CAMK2B: variants seen among roughly 807,000 people sequenced by gnomAD.
CAMK2B encodes the protein calcium/calmodulin dependent protein kinase II beta.
In CAMK2B, 27 loss-of-function variants were observed where a neutral mutation model predicts 93.7. The ratio of observed to expected loss-of-function variants is 0.29; its 90% confidence interval spans 0.21 to 0.40. CAMK2B has a LOEUF of 0.40. CAMK2B is among the 10% of genes least tolerant of loss of function. CAMK2B has a pLI of 1.00. For missense variants in CAMK2B, 568 were observed against 895.8 expected (o/e 0.63, Z 4.67); for synonymous variants, 374 against 358.8 (o/e 1.04, Z -0.48).
intron 1 of CAMK2B, among the ~76,000 whole-genome samples, chr7:44,301,139 T>C (rs941195371): frequency 6.6e-6 from 1 of 152,182 alleles, no homozygotes; most frequent in Non-Finnish European, 1.5e-5. Flanking sequence ...TATTTATTTA[T>C]TTTTTAGGGA....
rs184887978 is a variant in CAMK2B at position 44,286,375 on chromosome 7, G to A, written c.66-2150C>T. Among the ~76,000 whole-genome samples, 407 of 152,184 alleles carry A rather than the reference G, an allele frequency of 2.7e-3. 1 individual carries two copies. Among genetic ancestry groups the A allele is most frequent in the Non-Finnish European group, 4.2e-3 (284 of 68,006 alleles). ...GTGCGCCAGAACGCAACCACACACT[G>A]CAGGGTTGACCCTCAGTAGGAAGTT... On this transcript the variant is annotated intron_variant, in intron 1 of 23. Transcript: ENST00000395749. The surrounding 1 kb of genome is among the most constrained non-coding windows in gnomAD (Gnocchi z 4.0).
rs761209172 is a variant in CAMK2B, at chr7:44,220,202, G to A, written c.1861C>T (p.Arg621Trp). Residue 621 changes from arginine to tryptophan, a missense_variant, in exon 23 of 24, where the codon CGG becomes TGG. Physicochemically the swap from Arg to Trp is moderately radical, Grantham distance 101. Around this residue, in one of 4 missense-constraint regions of CAMK2B, gnomAD observed 116 missense variants for 188.0 expected, o/e 0.62. Coordinates refer to ENST00000395749, the MANE Select transcript of CAMK2B (RefSeq NM_001220.5). ...GEDAACIAYI[R>W]LTQYIDGQGR... Reference sequence around the variant, plus strand: ...TGCCCGTCAATGTACTGCGTGAGCCGGATGTAAGCGATGCAGGCGGCATCC... The same window carrying A: ...TGCCCGTCAATGTACTGCGTGAGCCAGATGTAAGCGATGCAGGCGGCATCC... 1.2e-6 allele frequency: 2 copies of A among 1,613,276 alleles called. No individual in the cohort carries two copies. Among genetic ancestry groups the A allele is most frequent in the Non-Finnish European group, 1.7e-6 (2 of 1,180,028 alleles).
At chr7:44,301,701 A>T (rs1790085963) in intron 1 of CAMK2B, among the ~76,000 whole-genome samples, 1 of 151,964 alleles carries the variant, frequency 6.6e-6, no homozygotes, top group African/African-American at 2.4e-5. Flanking sequence ...CACTTGAACC[A>T]GGAAGTCGGA....
Position 44,247,105 on chromosome 7 carries a change from G to A in CAMK2B, c.414+15C>T, listed in dbSNP as rs753935144. The A allele has an allele frequency of 1.9e-6, 3 of 1,605,138 alleles. No individual in the cohort carries two copies. Among genetic ancestry groups the A allele is most frequent in the Middle Eastern group, 1.7e-4 (1 of 6,050 alleles). ...AGACAACAGACACCTGGCACAGAGTGGGGTGGGGACTCACCTTGAGGTCTC... is the reference window on the plus strand; with the variant it reads ...AGACAACAGACACCTGGCACAGAGTAGGGTGGGGACTCACCTTGAGGTCTC... On this transcript the variant is annotated intron_variant, in intron 6 of 23. Coordinates refer to ENST00000395749, the MANE Select transcript of CAMK2B (RefSeq NM_001220.5).
intron 1 of CAMK2B, among the ~76,000 whole-genome samples, chr7:44,291,103 C>T (rs532689522): frequency 6.6e-6 from 1 of 152,322 alleles, no homozygotes; most frequent in South Asian, 2.1e-4. Context: ...GTTAATGAAG[C>T]CTCAACAGTG....
chr7:44,227,749 GA>G (rs1427734728), intron 19 of CAMK2B, among the ~76,000 whole-genome samples: 1 of 30,260 alleles, frequency 3.3e-5, no homozygotes, highest in African/African-American at 2.4e-4. Flanking sequence ...GGGGACAGAG[GA>G]GGGTGTGGGG....
chr7:44,251,444 A>G (rs1263594892), intron 5 of CAMK2B, among the ~76,000 whole-genome samples: 1 of 152,200 alleles, frequency 6.6e-6, no homozygotes, highest in Non-Finnish European at 1.5e-5. Flanking sequence ...GCTCACCCAG[A>G]AAGAAAGGAG....
chr7:44,324,385 T>A (rs1405806964), intron 1 of CAMK2B, among the ~76,000 whole-genome samples: 2 of 147,646 alleles, frequency 1.4e-5, no homozygotes, highest in Non-Finnish European at 3.0e-5. Context: ...GCCCTAGGGA[T>A]GCCAGGTGCA....
intron 2 of CAMK2B, among the ~76,000 whole-genome samples, chr7:44,264,546 G>T (rs1033938221): frequency 2.6e-5 from 4 of 152,208 alleles, no homozygotes; most frequent in African/African-American, 9.6e-5. Context: ...CATCCCACGA[G>T]AGGGATTCAG....
intron 1 of CAMK2B, among the ~76,000 whole-genome samples, chr7:44,296,989 G>A (rs1014720403): frequency 3.8e-4 from 58 of 152,166 alleles, no homozygotes; most frequent in African/African-American, 1.3e-3. Context: ...GAGACTTAGA[G>A]AAGAAATAAG....
At chr7:44,270,960 C>T (rs1040274531) in intron 2 of CAMK2B, among the ~76,000 whole-genome samples, 2 of 152,044 alleles carry the variant, frequency 1.3e-5, no homozygotes, top group Admixed American at 1.3e-4. Flanking sequence ...TCTCTGTCAC[C>T]CAGGCTAGAG....
In CAMK2B at chr7:44,241,684, G is replaced by A. The variant is rs1457333462; in HGVS notation, c.903+16C>T. On this transcript the variant is annotated intron_variant, in intron 11 of 23. Coordinates refer to ENST00000395749, the MANE Select transcript of CAMK2B (RefSeq NM_001220.5). Reference sequence around the variant, plus strand: ...AGAAGCATGGCCGTGCCTGGGACTAGGGGCCAGGGCCTCACCTTGAGCTTT... The same window carrying A: ...AGAAGCATGGCCGTGCCTGGGACTAAGGGCCAGGGCCTCACCTTGAGCTTT... 1 of 1,604,548 alleles carries A rather than the reference G, an allele frequency of 6.2e-7. No individual in the cohort carries two copies. Among genetic ancestry groups the A allele is most frequent in the African/African-American group, 1.3e-5 (1 of 74,722 alleles).
At chr7:44,324,638 G>GC (rs972444009) in intron 1 of CAMK2B, among the ~76,000 whole-genome samples, 2 of 151,784 alleles carry the variant, frequency 1.3e-5, no homozygotes, top group African/African-American at 4.8e-5. Flanking sequence ...CCAAAATCCA[G>GC]CCCCCATCCA....
rs771448991 is a variant in CAMK2B at position 44,220,832 on chromosome 7, G to A, written c.1667C>T (p.Ala556Val). Reference sequence around the variant, plus strand: ...CCCAGCCCCAGGGACTCACGCGTAGGCCTCAAAGTCACCGTTGTTGACGGC... The same window carrying A: ...CCCAGCCCCAGGGACTCACGCGTAGACCTCAAAGTCACCGTTGTTGACGGC... Reference protein sequence around the residue: ...IEAVNNGDFEAYAKICDPGLT... With the variant: ...IEAVNNGDFEVYAKICDPGLT... Residue 556 changes from alanine (A) to valine (V), a missense_variant, in exon 21 of 24, where the codon GCC becomes GTC. Physicochemically the swap from Ala to Val is moderately conservative, Grantham distance 64. Around this residue, in one of 4 missense-constraint regions of CAMK2B, gnomAD observed 116 missense variants for 188.0 expected, o/e 0.62. Transcript: ENST00000395749. 1 of 1,568,680 alleles carries A rather than the reference G, an allele frequency of 6.4e-7. No homozygotes were observed. Among genetic ancestry groups the A allele is most frequent in the South Asian group, 1.2e-5 (1 of 85,382 alleles).
intron 2 of CAMK2B, among the ~76,000 whole-genome samples, chr7:44,264,966 G>A (rs1163529260): frequency 6.6e-6 from 1 of 152,184 alleles, no homozygotes; most frequent in Admixed American, 6.5e-5. Context: ...GGAAAGCAGG[G>A]CACCAACTCT....
chr7:44,229,629 G>A, intron 17 of CAMK2B, 128 bp from the exon 18 acceptor site: 1 of 332,580 alleles, frequency 3.0e-6, no homozygotes, highest in Non-Finnish European at 5.0e-6. Flanking sequence ...GGCTCCTGGG[G>A]TGGAGGTGGG....
At chr7:44,267,783 C>CA (rs2096932960) in intron 2 of CAMK2B, among the ~76,000 whole-genome samples, 1 of 151,978 alleles carries the variant, frequency 6.6e-6, no homozygotes, top group South Asian at 2.1e-4. Flanking sequence ...ACAACAACAA[C>CA]AAAAAACCCC....
At chr7:44,246,302 G>A (rs534056972) in intron 6 of CAMK2B, among the ~76,000 whole-genome samples, 49 of 152,194 alleles carry the variant, frequency 3.2e-4, no homozygotes, top group African/African-American at 1.2e-3. Context: ...TGCCCAGGCT[G>A]GAGTGCGGTG....
At chr7:44,242,149 C>A in intron 10 of CAMK2B, 69 bp downstream of exon 10, 1 of 1,548,158 alleles carries the variant, frequency 6.5e-7, no homozygotes, top group South Asian at 1.2e-5. Flanking sequence ...GGGTCCTTGC[C>A]AGGGGAGTGG....
Sources: gnomAD v4.1 joint callset for allele counts (sites outside exome capture counted in the v4.1 genomes callset) on GRCh38, gnomAD v4.1.1 for gene constraint, gnomAD v4.1.1 regional missense constraint, Gnocchi (gnomAD v3.1) non-coding constraint, MANE v1.5 for transcripts, NCBI Gene and HGNC (gene_info 2026-07-23, HGNC 2026-07-21) for gene names.